Variants in LGSN observed in about 807,000 individuals in gnomAD.
LGSN encodes lengsin, lens protein with glutamine synthetase domain.
A neutral mutation model predicts 19.5 loss-of-function variants in LGSN; 21 were observed. That is an observed-to-expected ratio of 1.07 (90% CI 0.76 to 1.55). The LOEUF is 1.55. Ranked by LOEUF, LGSN falls within the 40% of genes most tolerant of loss-of-function variation. The probability of loss-of-function intolerance (pLI) is 0.00; values close to 1 mark genes in which losing one functional copy is unlikely to be tolerated. For synonymous variants in LGSN, 257 were observed against 215.6 expected, an observed-to-expected ratio of 1.19 and a Z score of -1.68; for missense variants, 673 against 608.5, an observed-to-expected ratio of 1.11 and a Z score of -1.12.
At chr6:63,480,988 CACACACACATACAT>C in the LGSN span, among the ~76,000 whole-genome samples, 5 of 31,614 alleles carry the variant, frequency 1.6e-4, no homozygotes, top group East Asian at 1.3e-3. Flanking sequence ...TATATATATA[CACACACACATACAT>C]ACATACATAC....
At chr6:63,549,419 G>A in the LGSN span, 1 of 751,150 alleles carries the variant, frequency 1.3e-6, no homozygotes, top group South Asian at 1.4e-5. Flanking sequence ...TTCTCAAACA[G>A]GGGATTCACC....
At chr6:63,295,223 C>A (rs868445432) in intron 1 of LGSN, among the ~76,000 whole-genome samples, 178 bp from the exon 2 acceptor site, 1 of 152,128 alleles carries the variant, frequency 6.6e-6, no homozygotes, top group African/African-American at 2.4e-5. Context: ...AAAAGCCCAG[C>A]GTTGTGCTGA....
At chr6:63,503,475 G>A in the LGSN span, among the ~76,000 whole-genome samples, 4 of 152,232 alleles carry the variant, frequency 2.6e-5, no homozygotes, top group Non-Finnish European at 5.9e-5. Context: ...ACTCGCCCCG[G>A]AATAGATTAA....
intron 2 of LGSN, 95 bp downstream of exon 2, chr6:63,294,818 C>T: frequency 7.9e-7 from 1 of 1,271,056 alleles, no homozygotes; most frequent in Non-Finnish European, 1.1e-6. Context: ...TTTTGCTTCT[C>T]CCAAAAAAGA....
the LGSN span, among the ~76,000 whole-genome samples, chr6:63,547,496 G>A: frequency 6.8e-6 from 1 of 147,694 alleles, no homozygotes; most frequent in Middle Eastern, 3.4e-3. Context: ...GGCCAGGGGG[G>A]AATTTTTTTT....
chr6:63,435,062 A>G, the LGSN span, among the ~76,000 whole-genome samples: 1 of 152,208 alleles, frequency 6.6e-6, no homozygotes, highest in Non-Finnish European at 1.5e-5. Flanking sequence ...TAACAAAATT[A>G]TCATGTGCCT....
At chr6:63,556,292 A>AG in the LGSN span, among the ~76,000 whole-genome samples, 1 of 151,698 alleles carries the variant, frequency 6.6e-6, no homozygotes, top group Non-Finnish European at 1.5e-5. Flanking sequence ...CAGAGTAGCT[A>AG]GGAATACAGG....
the LGSN span, among the ~76,000 whole-genome samples, chr6:63,537,687 G>A: frequency 6.6e-6 from 1 of 152,230 alleles, no homozygotes; most frequent in Non-Finnish European, 1.5e-5. Context: ...ATCAGTCAAG[G>A]TTGATTAATT....
At chr6:63,310,937 T>G (rs1768603928) in intron 1 of LGSN, among the ~76,000 whole-genome samples, 1 of 152,198 alleles carries the variant, frequency 6.6e-6, no homozygotes, top group African/African-American at 2.4e-5. Flanking sequence ...GCTAACTTTC[T>G]CAAAACACTT....
chr6:63,525,074 G>T, the LGSN span, among the ~76,000 whole-genome samples: 1 of 152,196 alleles, frequency 6.6e-6, no homozygotes, highest in Non-Finnish European at 1.5e-5. Context: ...TTCTGAAAGG[G>T]TGTTTAGAAG....
At chr6:63,287,944 A>T (rs1248094934) in intron 2 of LGSN, among the ~76,000 whole-genome samples, 2 of 152,042 alleles carry the variant, frequency 1.3e-5, no homozygotes, top group Non-Finnish European at 2.9e-5. Flanking sequence ...GGCTGGGTGC[A>T]GTGGCTCAAG....
intron 2 of LGSN, among the ~76,000 whole-genome samples, chr6:63,285,973 G>A (rs1767521365): frequency 6.6e-6 from 1 of 152,092 alleles, no homozygotes; most frequent in Admixed American, 6.6e-5. Context: ...TTATCAGTTA[G>A]GACGAGGTCA....
At chr6:63,438,059 G>T in the LGSN span, among the ~76,000 whole-genome samples, 1 of 152,062 alleles carries the variant, frequency 6.6e-6, no homozygotes, top group Non-Finnish European at 1.5e-5. Flanking sequence ...GGTCTACATT[G>T]TACTAAAGAC....
the LGSN span, among the ~76,000 whole-genome samples, chr6:63,368,037 A>C: frequency 6.6e-6 from 1 of 151,970 alleles, no homozygotes; most frequent in African/African-American, 2.4e-5. Context: ...ACATGTATAC[A>C]TATGTAATAA....
At chr6:63,385,724 G>C in the LGSN span, among the ~76,000 whole-genome samples, 1 of 152,160 alleles carries the variant, frequency 6.6e-6, no homozygotes, top group Non-Finnish European at 1.5e-5. Flanking sequence ...TTTCTCTTAG[G>C]TGGGAATTAC....
chr6:63,533,892 G>T, the LGSN span, among the ~76,000 whole-genome samples: 2 of 151,918 alleles, frequency 1.3e-5, no homozygotes, highest in Non-Finnish European at 2.9e-5. Flanking sequence ...CGTCCAAGCT[G>T]GAGTTCAGTG....
chr6:63,485,391 G>C, the LGSN span, among the ~76,000 whole-genome samples: 3 of 152,142 alleles, frequency 2.0e-5, no homozygotes, highest in African/African-American at 7.2e-5. Context: ...GTTGCATAGT[G>C]TTCCATGGTG....
At chr6:63,408,819 C>T in the LGSN span, among the ~76,000 whole-genome samples, 1 of 151,998 alleles carries the variant, frequency 6.6e-6, no homozygotes, top group African/African-American at 2.4e-5. Flanking sequence ...ACAATGAACT[C>T]CAACAAATTT....
At chr6:63,469,957 C>A in the LGSN span, among the ~76,000 whole-genome samples, 2 of 152,084 alleles carry the variant, frequency 1.3e-5, no homozygotes, top group African/African-American at 4.8e-5. Flanking sequence ...CTCAGGTGAT[C>A]CACCTACCTT....
Sources: gnomAD v4.1 joint callset for allele counts (sites outside exome capture counted in the v4.1 genomes callset) on GRCh38, gnomAD v4.1.1 for gene constraint, MANE v1.5 for transcripts, NCBI Gene and HGNC (gene_info 2026-07-23, HGNC 2026-07-21) for gene names.